TMCC1: variants seen among roughly 807,000 people sequenced by gnomAD.
TMCC1 encodes the protein transmembrane and coiled-coil domain family 1.
Under a neutral mutation model 52.4 loss-of-function variants are expected in TMCC1, and 15 were observed. The ratio of observed to expected loss-of-function variants is 0.29; its 90% CI spans 0.19 to 0.44. The LOEUF (loss-of-function observed/expected upper bound fraction) is 0.44. Among genes scored for constraint, TMCC1 ranks in the 20% least tolerant of loss-of-function variants. TMCC1 has a pLI of 1.00. For synonymous variants in TMCC1, 279 were observed against 301.9 expected (o/e 0.92, Z 0.79); for missense variants, 503 against 806.0 (o/e 0.62, Z 4.55).
chr3:129,841,200 G>A (rs1331828529), intron 2 of TMCC1, among the ~76,000 whole-genome samples: 2 of 152,160 alleles, frequency 1.3e-5, no homozygotes, highest in East Asian at 1.9e-4. Flanking sequence ...AGAGATCTGC[G>A]GAACTTTGAA....
chr3:129,860,712 G>A (rs1208541904), intron 2 of TMCC1, among the ~76,000 whole-genome samples: 1 of 151,344 alleles, frequency 6.6e-6, no homozygotes, highest in Non-Finnish European at 1.5e-5. Context: ...GGATTCTCCT[G>A]CCTCAGCCTC....
chr3:129,698,164 A>C (rs1458871398), intron 4 of TMCC1, among the ~76,000 whole-genome samples: 2 of 152,154 alleles, frequency 1.3e-5, no homozygotes, highest in African/African-American at 4.8e-5. Context: ...GTCATTTATA[A>C]AGAAAAAGAG....
chr3:129,813,813 A>C (rs984116411), intron 4 of TMCC1, among the ~76,000 whole-genome samples: 3 of 152,122 alleles, frequency 2.0e-5, no homozygotes, highest in African/African-American at 7.2e-5. Flanking sequence ...TAAAAAAAAA[A>C]AAGATGAAGC....
chr3:129,686,344 C>T (rs1448078639), intron 4 of TMCC1, among the ~76,000 whole-genome samples: 3 of 152,088 alleles, frequency 2.0e-5, no homozygotes, highest in African/African-American at 4.8e-5. Flanking sequence ...TCAGGTGATT[C>T]GCCCGCCTCG....
At chr3:129,884,220 CAA>C (rs1373513826) in intron 1 of TMCC1, among the ~76,000 whole-genome samples, 1 of 151,488 alleles carries the variant, frequency 6.6e-6, no homozygotes, top group Non-Finnish European at 1.5e-5. Context: ...CAAAGAGCAC[CAA>C]AAAAAGGTAA....
intron 4 of TMCC1, among the ~76,000 whole-genome samples, chr3:129,726,715 T>C (rs1279211850): frequency 1.3e-5 from 2 of 149,822 alleles, no homozygotes; most frequent in Admixed American, 6.7e-5. Flanking sequence ...CCTGTCTCTA[T>C]TAAAAATACA....
At chr3:129,703,116 A>G (rs2047965403) in intron 4 of TMCC1, among the ~76,000 whole-genome samples, 1 of 152,248 alleles carries the variant, frequency 6.6e-6, no homozygotes, top group Admixed American at 6.5e-5. Flanking sequence ...ATAAACCCAC[A>G]TACAAAAACC....
At chr3:129,742,059 A>G (rs1482011112) in intron 4 of TMCC1, among the ~76,000 whole-genome samples, 6 of 152,136 alleles carry the variant, frequency 3.9e-5, no homozygotes. Context: ...GATCTTTTGG[A>G]TGAAAGACCT....
intron 4 of TMCC1, among the ~76,000 whole-genome samples, chr3:129,768,043 G>T (rs2054268129): frequency 1.3e-5 from 2 of 152,094 alleles, no homozygotes; most frequent in South Asian, 4.1e-4. Flanking sequence ...AATGCAAATA[G>T]CTGGGCATGG....
rs1560352767 is a variant in TMCC1 at position 129,760,436 on chromosome 3, T to TGTGTGTGTG, written c.576+67366_576+67367insCACACACAC. Reference sequence around the variant, plus strand: ...TGTGTGTGTGTGTGTGTGTGTGTGTTTTTGAGACAGTCTCGCTCTGTGTGT... The same window carrying TGTGTGTGTG: ...TGTGTGTGTGTGTGTGTGTGTGTGTTGTGTGTGTGTTTGAGACAGTCTCGCTCTGTGTGT... On this transcript the variant is annotated intron_variant, in intron 4 of 6. Coordinates refer to ENST00000393238, the MANE Select transcript of TMCC1 (RefSeq NM_001017395.5). Among the ~76,000 whole-genome samples the TGTGTGTGTG allele has an allele frequency of 1.9e-4, 22 of 113,974 alleles. No homozygotes were observed. In the East Asian group the frequency reaches 3.4e-3, roughly 17 times the overall value. 74.8% of individuals were successfully genotyped at this position (113,974 alleles called of 152,430 possible). A position where few individuals can be genotyped will look rare whatever the true frequency, so the allele number is the denominator to read the frequency against.
intron 5 of TMCC1, among the ~76,000 whole-genome samples, chr3:129,658,229 G>A (rs1003728490): frequency 6.6e-6 from 1 of 152,076 alleles, no homozygotes; most frequent in Non-Finnish European, 1.5e-5. Flanking sequence ...TGAAGATCCC[G>A]AGCCCTAGGC....
chr3:129,669,798 C>T lies in TMCC1; in HGVS notation c.1511+532G>A, dbSNP rs543084338. Among the ~76,000 whole-genome samples, 10 of 152,294 alleles carry T rather than the reference C, an allele frequency of 6.6e-5. No individual in the cohort carries two copies. The South Asian group carries it at 1.9e-3, about 28-fold the overall frequency. ...AGAGACTATGATTCAAAGCACTTAA[C>T]CCTTTGAGAATTTTCTAACTCTTGT... On this transcript the variant is annotated intron_variant, in intron 5 of 6. Coordinates refer to ENST00000393238, the MANE Select transcript of TMCC1 (RefSeq NM_001017395.5).
intron 4 of TMCC1, among the ~76,000 whole-genome samples, chr3:129,676,371 G>A (rs543652498): frequency 3.9e-5 from 6 of 152,300 alleles, no homozygotes; most frequent in South Asian, 2.1e-4. Context: ...TAGGGATATG[G>A]TCAGAAGCCA....
intron 4 of TMCC1, chr3:129,688,238 G>A (rs2089548467): frequency 1.0e-6 from 1 of 985,058 alleles, no homozygotes; most frequent in Non-Finnish European, 1.2e-6. Flanking sequence ...CTTCATTTGT[G>A]CACTGCCAGA....
At chr3:129,772,810 TAA>T (rs2054715429) in intron 4 of TMCC1, among the ~76,000 whole-genome samples, 2 of 145,812 alleles carry the variant, frequency 1.4e-5, no homozygotes, top group Non-Finnish European at 3.0e-5. Context: ...TTGCTCACAA[TAA>T]GAGAGATATA....
chr3:129,890,590 G>A (rs574873470), intron 1 of TMCC1, among the ~76,000 whole-genome samples: 2 of 152,282 alleles, frequency 1.3e-5, no homozygotes, highest in South Asian at 4.1e-4. Context: ...ACAGGAACAT[G>A]TCAAAATTCT....
At chr3:129,821,117 C>T (rs1228060081) in intron 4 of TMCC1, among the ~76,000 whole-genome samples, 1 of 152,106 alleles carries the variant, frequency 6.6e-6, no homozygotes, top group Non-Finnish European at 1.5e-5. Flanking sequence ...TTTTTGACAG[C>T]CTGTATCATT....
chr3:129,845,058 G>A (rs541742283), intron 2 of TMCC1, among the ~76,000 whole-genome samples: 1 of 152,128 alleles, frequency 6.6e-6, no homozygotes, highest in South Asian at 2.1e-4. Flanking sequence ...GTGTGGTGGT[G>A]TATCCCTGTA....
chr3:129,769,466 G>T (rs1240956114), intron 4 of TMCC1, among the ~76,000 whole-genome samples: 1 of 152,000 alleles, frequency 6.6e-6, no homozygotes, highest in Non-Finnish European at 1.5e-5. Context: ...ATGACCTCAG[G>T]TGATCTGCCT....
Sources: allele counts gnomAD v4.1 joint callset (sites outside exome capture counted in the v4.1 genomes callset), GRCh38; gene constraint gnomAD v4.1.1; transcripts MANE v1.5; gene names NCBI Gene and HGNC (gene_info 2026-07-23, HGNC 2026-07-21).